Variants in GRB2 observed in about 807,000 individuals in gnomAD.
GRB2 encodes growth factor receptor-bound protein 2.
A neutral mutation model predicts 27.4 loss-of-function variants in GRB2; 2 were observed. The observed-to-expected ratio is 0.07, with a 90% CI of 0.03 to 0.23. GRB2 has a LOEUF of 0.23. Ranked by LOEUF, GRB2 falls within the 10% of genes least tolerant of loss-of-function variation. The pLI, the probability that GRB2 is intolerant of heterozygous loss-of-function variation, is 1.00. For synonymous variants in GRB2, 94 were observed against 99.6 expected, an observed-to-expected ratio of 0.94 and a Z score of 0.33; for missense variants, 102 against 282.4, an observed-to-expected ratio of 0.36 and a Z score of 4.58.
rs2078941420 is a variant in GRB2 at position 75,383,268 on chromosome 17, CA to C, written c.78+10282del. 2.6e-5 allele frequency among the ~76,000 whole-genome samples: 4 copies of C among 152,152 alleles called. 1 individual carries two copies. The highest frequency in any genetic ancestry group is 2.0e-4 in the Admixed American group (3 of 15,278). ...AAAAGAGGCCCCCAGTAGGACACAGCATAGGTATCCATCTATTTGCTATAGA... is the reference window on the plus strand; with the variant it reads ...AAAAGAGGCCCCCAGTAGGACACAGCTAGGTATCCATCTATTTGCTATAGA... On this transcript the variant is annotated intron_variant, in intron 2 of 5. Coordinates refer to ENST00000316804, the MANE Select transcript of GRB2 (RefSeq NM_002086.5).
chr17:75,388,260 G>A (rs934600641), intron 2 of GRB2, among the ~76,000 whole-genome samples: 15 of 151,840 alleles, frequency 9.9e-5, no homozygotes, highest in African/African-American at 3.6e-4. Flanking sequence ...GCACCACCGG[G>A]CCCGGCTGTT....
At chr17:75,356,395 C>A (rs2078734000) in intron 2 of GRB2, among the ~76,000 whole-genome samples, 1 of 152,000 alleles carries the variant, frequency 6.6e-6, no homozygotes, top group Admixed American at 6.6e-5. Flanking sequence ...GTGGTCCCAG[C>A]TACTTGGGAG....
At chr17:75,321,514 T>G in intron 5 of GRB2, 145 bp downstream of exon 5, 2 of 693,036 alleles carry the variant, frequency 2.9e-6, no homozygotes, top group Non-Finnish European at 4.9e-6. Flanking sequence ...GAGGGTAACA[T>G]TTTCAGTAAG....
intron 4 of GRB2, among the ~76,000 whole-genome samples, chr17:75,322,885 C>T (rs987414362): frequency 3.9e-5 from 6 of 151,974 alleles, no homozygotes; most frequent in Admixed American, 2.6e-4. Context: ...TTTGGGAGGC[C>T]GAGGTGGGCG....
Position 75,320,121 on chromosome 17 carries a change from GA to G in GRB2, c.*246del. On this transcript the variant is annotated 3_prime_UTR_variant, in exon 6 of 6. Coordinates refer to ENST00000316804, the MANE Select transcript of GRB2 (RefSeq NM_002086.5). This position sits in a 1 kb window ranked among gnomAD's most constrained non-coding sequence, Gnocchi z 4.3. ...GGATGAAAAAAAAGACAAAGGAGGG[GA>G]AAGAGGAGCAGCAGTGAAAATTTGT... is the stretch of plus-strand genomic sequence containing the variant. 2.3e-6 allele frequency: 1 copy of G among 431,354 alleles called. No homozygotes were observed. The highest frequency in any genetic ancestry group is 3.1e-5 in the South Asian group (1 of 32,450). 26.7% of individuals were successfully genotyped at this position (431,354 alleles called of 1,614,324 possible). A position where few individuals can be genotyped will look rare whatever the true frequency, so the allele number is the denominator to read the frequency against.
intron 1 of GRB2, among the ~76,000 whole-genome samples, chr17:75,401,866 T>C (rs2079066128): frequency 6.6e-6 from 1 of 152,254 alleles, no homozygotes; most frequent in Non-Finnish European, 1.5e-5. Flanking sequence ...GCTGTGATGA[T>C]TTTATTATTA....
At chr17:75,386,404 C>T (rs1231560071) in intron 2 of GRB2, among the ~76,000 whole-genome samples, 1 of 152,182 alleles carries the variant, frequency 6.6e-6, no homozygotes, top group African/African-American at 2.4e-5. Flanking sequence ...AGGCATGAGC[C>T]ACTGCGCTTG....
intron 3 of GRB2, among the ~76,000 whole-genome samples, chr17:75,330,714 A>C (rs535988649): frequency 1.2e-4 from 18 of 152,146 alleles, no homozygotes; most frequent in Admixed American, 5.9e-4. Flanking sequence ...AAACAAAAAA[A>C]AAAAAGGTGG....
chr17:75,369,147 C>T (rs1308313154), intron 2 of GRB2, among the ~76,000 whole-genome samples: 4 of 152,214 alleles, frequency 2.6e-5, no homozygotes. Context: ...CTCTCCCCTA[C>T]TTCAATCCAC....
intron 4 of GRB2, among the ~76,000 whole-genome samples, chr17:75,324,260 C>T (rs1045173373): frequency 2.0e-5 from 3 of 151,972 alleles, no homozygotes; most frequent in African/African-American, 7.2e-5. Flanking sequence ...AGTGTAGTGG[C>T]ACGATCTTGG....
At chr17:75,343,783 C>G (rs983312131) in intron 2 of GRB2, among the ~76,000 whole-genome samples, 1 of 152,156 alleles carries the variant, frequency 6.6e-6, no homozygotes, top group East Asian at 1.9e-4. Flanking sequence ...TTTGGTGGAG[C>G]TGAAATGCTC....
chr17:75,337,924 A>G (rs1289602812), intron 2 of GRB2, among the ~76,000 whole-genome samples: 1 of 143,934 alleles, frequency 6.9e-6, no homozygotes, highest in Non-Finnish European at 1.5e-5. Context: ...TATTATTATT[A>G]TTATTATTAT....
intron 5 of GRB2, among the ~76,000 whole-genome samples, chr17:75,321,315 T>G (rs1159983993): frequency 6.6e-6 from 1 of 151,906 alleles, no homozygotes; most frequent in Admixed American, 6.6e-5. Flanking sequence ...TAGCTGGGAC[T>G]GCAGGTGTGC....
intron 2 of GRB2, among the ~76,000 whole-genome samples, chr17:75,377,031 T>C (rs1398207503): frequency 6.6e-6 from 1 of 151,126 alleles, no homozygotes; most frequent in Non-Finnish European, 1.5e-5. Context: ...AGACAGACCT[T>C]CATAGCTGGG....
intron 2 of GRB2, among the ~76,000 whole-genome samples, chr17:75,388,762 T>C (rs991802121): frequency 6.6e-6 from 1 of 152,048 alleles, no homozygotes; most frequent in African/African-American, 2.4e-5. Context: ...ATTAGGTAAT[T>C]TGAACCCCTG....
intron 2 of GRB2, among the ~76,000 whole-genome samples, chr17:75,355,582 C>G (rs1245404261): frequency 2.0e-5 from 3 of 149,098 alleles, no homozygotes; most frequent in Non-Finnish European, 4.5e-5. Context: ...ATAAAATACA[C>G]TAACACTAAT....
At chr17:75,372,677 C>A (rs2078863656) in intron 2 of GRB2, 1 of 152,188 alleles carries the variant, frequency 6.6e-6, no homozygotes, top group Non-Finnish European at 1.5e-5. Context: ...CCACTCACAG[C>A]CACTGAAAAC....
chr17:75,373,299 G>A (rs963476459), intron 2 of GRB2: 1 of 152,178 alleles, frequency 6.6e-6, no homozygotes, highest in Non-Finnish European at 1.5e-5. Context: ...TGAGGCTGGA[G>A]GCATGATGTT....
intron 2 of GRB2, among the ~76,000 whole-genome samples, chr17:75,341,957 C>A (rs2078624336): frequency 6.6e-6 from 1 of 152,180 alleles, no homozygotes; most frequent in Admixed American, 6.6e-5. Context: ...CGACTCTCTG[C>A]TCTGATCTCC....
Sources: allele counts gnomAD v4.1 joint callset (sites outside exome capture counted in the v4.1 genomes callset), GRCh38; gene constraint gnomAD v4.1.1; non-coding constraint Gnocchi (gnomAD v3.1); transcripts MANE v1.5; gene names NCBI Gene and HGNC (gene_info 2026-07-23, HGNC 2026-07-21).